Variants in EIF2B1 observed in about 807,000 individuals in gnomAD.
The protein encoded by EIF2B1 is eukaryotic translation initiation factor 2B subunit alpha.
In EIF2B1, 30 loss-of-function variants were observed where a neutral mutation model predicts 36.8. The observed-to-expected ratio is 0.81, with a 90% CI of 0.61 to 1.10. The LOEUF (loss-of-function observed/expected upper bound fraction) is 1.10, where lower values mean the gene tolerates loss of function less well. Among genes scored for constraint, EIF2B1 ranks in the 50% least tolerant of loss-of-function variants. The probability of loss-of-function intolerance (pLI) is 0.00; values close to 1 mark genes in which losing one functional copy is unlikely to be tolerated. For missense variants in EIF2B1, 271 were observed against 374.8 expected, an observed-to-expected ratio of 0.72 and a Z score of 2.29; for synonymous variants, 139 against 142.2, an observed-to-expected ratio of 0.98 and a Z score of 0.16.
Position 123,621,872 on chromosome 12 carries a change from C to G in EIF2B1, c.802G>C (p.Glu268Gln). The change falls in exon 9 of 9, where the codon GAG becomes CAG. Residue 268 changes from glutamate to glutamine, a missense_variant. Physicochemically the swap from Glu to Gln is conservative, Grantham distance 29. Transcript: ENST00000424014. ...GTGTAGTCGACCCACGGATGCTCCT[C>G]TTTGAGGTCTTGTCCAGTCTGCGCG... ...KVAQTGQDLKEEHPWVDYTAP... is the reference protein window; with the variant it reads ...KVAQTGQDLKQEHPWVDYTAP... 6.2e-7 allele frequency: 1 copy of G among 1,614,084 alleles called. No homozygotes were observed. The highest frequency in any genetic ancestry group is 1.1e-5 in the South Asian group (1 of 91,064).
intron 8 of EIF2B1, 67 bp downstream of exon 8, chr12:123,622,569 T>G: frequency 6.2e-7 from 1 of 1,605,344 alleles, no homozygotes; most frequent in Non-Finnish European, 8.5e-7. Flanking sequence ...GGAACATTCT[T>G]AGGACTACAA....
At position 123,630,365 on chromosome 12, in the gene EIF2B1, G is replaced by A; in HGVS notation, c.252+32C>T. The A allele has an allele frequency of 6.2e-7, 1 of 1,614,186 alleles. No individual in the cohort carries two copies. Among genetic ancestry groups the A allele is most frequent in the Non-Finnish European group, 8.5e-7 (1 of 1,180,028 alleles). On this transcript the variant is annotated intron_variant, in intron 3 of 8. Transcript: ENST00000424014. The surrounding 1 kb of genome is among the most constrained non-coding windows in gnomAD (Gnocchi z 4.6). The stretch of plus-strand genomic sequence containing the variant: ...ATGTCTGTCACTAAACAGAGAAGTG[G>A]AAAGGTAACCCCAGGGAGAACAGGC...
intron 7 of EIF2B1, among the ~76,000 whole-genome samples, chr12:123,622,964 T>TA (rs1315586143): frequency 6.6e-6 from 1 of 150,858 alleles, no homozygotes; most frequent in East Asian, 1.9e-4. Context: ...AAGGAACAAT[T>TA]AAAAAACAGC....
chr12:123,621,696 G>A lies in EIF2B1; in HGVS notation c.*60C>T. On this transcript the variant is annotated 3_prime_UTR_variant, in exon 9 of 9. Transcript: ENST00000424014. ...TTGGCCTGACTCACTGGGGTGTCAA[G>A]CAGCTACTCACCCTGCCTCAACTAC... is the stretch of plus-strand genomic sequence containing the variant. 6.2e-7 allele frequency: 1 copy of A among 1,610,062 alleles called. No homozygotes were observed.
In EIF2B1 at chr12:123,621,024, C is replaced by G. The variant is rs566337000; in HGVS notation, c.*732G>C. 1.3e-5 allele frequency: 2 copies of G among 154,136 alleles called. No individual in the cohort carries two copies. Among genetic ancestry groups the G allele is most frequent in the African/African-American group, 4.8e-5 (2 of 41,570 alleles). The allele number at this position is 154,136 out of a possible 1,614,324, so 9.5% of individuals were successfully genotyped here. ...TTGCAGTATTGATGCAACACCACAT[C>G]AGCGTCTTTCATAGAGTTTATTTGA... On this transcript the variant is annotated 3_prime_UTR_variant, in exon 9 of 9. Transcript: ENST00000424014.
chr12:123,632,320 T>C, intron 2 of EIF2B1, 25 bp downstream of exon 2: 1 of 1,389,450 alleles, frequency 7.2e-7, no homozygotes, highest in Non-Finnish European at 1.0e-6. Context: ...AGTCCCAGAG[T>C]GTTAACAGAT....
At chr12:123,632,147 A>G (rs1419803569) in intron 2 of EIF2B1, among the ~76,000 whole-genome samples, 198 bp downstream of exon 2, 1 of 151,362 alleles carries the variant, frequency 6.6e-6, no homozygotes. Flanking sequence ...GCACACCTAT[A>G]ATCCCAGCTA....
In EIF2B1 at chr12:123,633,394, G is replaced by C. The variant is rs369878871; in HGVS notation, c.13+151C>G. ...ATCCCTGAAAACAAGAGCAGCGCGA[G>C]GGATTTAGTTGTGACTCTGGAAACA... On this transcript the variant is annotated intron_variant, in intron 1 of 8. Transcript: ENST00000424014. 62 of 1,178,438 alleles carry C rather than the reference G, an allele frequency of 5.3e-5. 2 individuals carry two copies. The East Asian group carries it at 7.7e-4, about 15-fold the overall frequency. 73.0% of individuals were successfully genotyped at this position (1,178,438 alleles called of 1,614,324 possible).
intron 6 of EIF2B1, among the ~76,000 whole-genome samples, chr12:123,625,208 A>T (rs1481414524): frequency 6.6e-6 from 1 of 152,166 alleles, no homozygotes; most frequent in Non-Finnish European, 1.5e-5. Flanking sequence ...AAAATTTTAA[A>T]ATCTGATGAG....
chr12:123,625,676 A>G (rs769363536), intron 6 of EIF2B1, among the ~76,000 whole-genome samples: 25 of 152,166 alleles, frequency 1.6e-4, no homozygotes, highest in Admixed American at 3.3e-4. Flanking sequence ...TACACTGACA[A>G]TCCCAGGAAC....
chr12:123,629,717 C>G (rs1182742764), intron 4 of EIF2B1, among the ~76,000 whole-genome samples: 1 of 152,168 alleles, frequency 6.6e-6, no homozygotes. Context: ...GGTGTGAACC[C>G]AGGAGGCGGA....
chr12:123,626,703 G>A (rs1261314309), intron 5 of EIF2B1: 7 of 655,354 alleles, frequency 1.1e-5, no homozygotes, highest in South Asian at 9.2e-5. Flanking sequence ...TAGACTCTGG[G>A]TAAGAGATGT....
intron 7 of EIF2B1, among the ~76,000 whole-genome samples, chr12:123,623,670 C>T (rs759226894): frequency 5.1e-4 from 78 of 152,170 alleles, no homozygotes; most frequent in Middle Eastern, 3.4e-3. Flanking sequence ...TATGGGGTTT[C>T]ACCATGTTGG....
In EIF2B1 at chr12:123,632,277, AAAAAAAAAG is replaced by A. The variant is rs1375437699; in HGVS notation, c.115+59_115+67del. On this transcript the variant is annotated intron_variant, in intron 2 of 8. Transcript: ENST00000424014. ...AGTGAGGCTCCGTCTCTTTAAAAAA[AAAAAAAAAG>A]AAAAGAAAAAAAAGACTATCCTAAG... is the stretch of plus-strand genomic sequence containing the variant. 2.2e-5 allele frequency: 24 copies of A among 1,089,430 alleles called. 1 individual carries two copies. The South Asian group carries it at 2.3e-4, about 10-fold the overall frequency. The allele number at this position is 1,089,430 out of a possible 1,614,324, so 67.5% of individuals were successfully genotyped here. A position where few individuals can be genotyped will look rare whatever the true frequency, so the allele number is the denominator to read the frequency against.
chr12:123,627,254 T>G, intron 4 of EIF2B1, 98 bp from the exon 5 acceptor site: 3 of 905,096 alleles, frequency 3.3e-6, no homozygotes, highest in Non-Finnish European at 5.5e-6. Flanking sequence ...TAAGCATCTC[T>G]GTACACTTTC....
intron 8 of EIF2B1, among the ~76,000 whole-genome samples, chr12:123,622,221 C>T (rs73216994): frequency 0.037 from 5,663 of 152,250 alleles, 134 homozygotes; most frequent in Non-Finnish European, 0.057. Context: ...GAGCTTGCAG[C>T]GTGCCAGGGA....
intron 1 of EIF2B1, among the ~76,000 whole-genome samples, chr12:123,633,295 CA>C (rs1469014816): frequency 1.3e-5 from 2 of 150,680 alleles, no homozygotes; most frequent in African/African-American, 4.9e-5. Flanking sequence ...ACAGATCCAA[CA>C]AGGCAGGAAG....
At chr12:123,624,636 TACG>T in intron 7 of EIF2B1, 148 bp downstream of exon 7, 9 of 719,610 alleles carry the variant, frequency 1.3e-5, no homozygotes, top group Non-Finnish European at 2.0e-5. Flanking sequence ...TGCTATGACT[TACG>T]GGAAATGGGC....
At chr12:123,632,996 C>G (rs914663656) in intron 1 of EIF2B1, among the ~76,000 whole-genome samples, 14 of 151,362 alleles carry the variant, frequency 9.2e-5, no homozygotes, top group Non-Finnish European at 1.9e-4. Context: ...AAATTAAGCC[C>G]GAGTAAATGA....
Sources: allele counts gnomAD v4.1 joint callset (sites outside exome capture counted in the v4.1 genomes callset), GRCh38; gene constraint gnomAD v4.1.1; non-coding constraint Gnocchi (gnomAD v3.1); transcripts MANE v1.5; gene names NCBI Gene and HGNC (gene_info 2026-07-23, HGNC 2026-07-21).